Variants in TYR observed in about 807,000 individuals in gnomAD.
TYR encodes the protein LB24-AB.
TYR carries 58 observed loss-of-function variants against 51.5 expected under a neutral mutation model. The ratio of observed to expected loss-of-function variants is 1.13; its 90% CI spans 0.91 to 1.40. The LOEUF (loss-of-function observed/expected upper bound fraction) is 1.40. TYR is among the 40% of genes most tolerant of loss of function. The pLI is 0.00. For missense variants in TYR, 732 were observed against 647.4 expected (o/e 1.13, Z -1.42); for synonymous variants, 263 against 235.2 (o/e 1.12, Z -1.08).
intron 2 of TYR, among the ~76,000 whole-genome samples, chr11:89,193,066 C>T (rs1302035794): frequency 1.3e-5 from 2 of 152,036 alleles, no homozygotes; most frequent in Non-Finnish European, 2.9e-5. Flanking sequence ...AATCTCAGAG[C>T]CTATATAACA....
chr11:89,207,147 A>G (rs556015799), intron 2 of TYR, among the ~76,000 whole-genome samples: 1 of 152,230 alleles, frequency 6.6e-6, no homozygotes, highest in East Asian at 1.9e-4. Context: ...AGTGAAATTA[A>G]AAACAGGAAT....
At chr11:89,226,208 G>C (rs1178409905) in intron 2 of TYR, among the ~76,000 whole-genome samples, 1 of 151,954 alleles carries the variant, frequency 6.6e-6, no homozygotes, top group Non-Finnish European at 1.5e-5. Flanking sequence ...GTAAACCATT[G>C]TATTTAGGAG....
chr11:89,179,195 G>T (rs553480756), intron 1 of TYR, among the ~76,000 whole-genome samples: 2 of 152,228 alleles, frequency 1.3e-5, no homozygotes, highest in African/African-American at 2.4e-5. Context: ...GGATTCATAT[G>T]GTGTACAAAT....
chr11:89,293,372 A>G (rs1271225240), intron 4 of TYR, among the ~76,000 whole-genome samples: 2 of 142,376 alleles, frequency 1.4e-5, no homozygotes, highest in African/African-American at 5.0e-5. Context: ...CACACACACA[A>G]CCCAGAATGG....
chr11:89,276,682 CTG>C (rs1354627328), intron 3 of TYR, among the ~76,000 whole-genome samples: 1 of 151,726 alleles, frequency 6.6e-6, no homozygotes, highest in African/African-American at 2.4e-5. Context: ...ATGCAGGTGT[CTG>C]TTGGATAAAC....
intron 2 of TYR, among the ~76,000 whole-genome samples, chr11:89,220,012 G>A (rs1294752244): frequency 6.6e-6 from 1 of 152,138 alleles, no homozygotes; most frequent in African/African-American, 2.4e-5. Flanking sequence ...TCAACTGAAA[G>A]AATGTAACAG....
At chr11:89,275,107 T>C (rs1193001701) in intron 3 of TYR, among the ~76,000 whole-genome samples, 1 of 151,822 alleles carries the variant, frequency 6.6e-6, no homozygotes, top group Non-Finnish European at 1.5e-5. Context: ...AAAAAAGGGT[T>C]TAAATTCTAC....
intron 3 of TYR, among the ~76,000 whole-genome samples, chr11:89,243,400 C>T (rs1233401916): frequency 6.6e-6 from 1 of 152,108 alleles, no homozygotes; most frequent in African/African-American, 2.4e-5. Context: ...AGAGGTAGTT[C>T]AAGCATCACC....
intron 3 of TYR, among the ~76,000 whole-genome samples, chr11:89,244,629 C>T (rs1484862398): frequency 6.6e-6 from 1 of 152,118 alleles, no homozygotes; most frequent in Non-Finnish European, 1.5e-5. Flanking sequence ...AAGGTTGGTG[C>T]TAGATGGTGC....
chr11:89,262,847 C>CAA (rs771958187), intron 3 of TYR, among the ~76,000 whole-genome samples: 624 of 19,212 alleles, frequency 0.032, 32 homozygotes, highest in African/African-American at 0.051. Context: ...GCTACTCATC[C>CAA]AAAAAAAAAA....
At chr11:89,202,098 ATG>A (rs66603084) in intron 2 of TYR, among the ~76,000 whole-genome samples, 151,579 of 151,906 alleles carry the variant, frequency 1, 75,629 homozygotes, top group Middle Eastern at 1. Flanking sequence ...TTATATATAT[ATG>A]TGTGTGTGTG....
At chr11:89,245,653 T>C (rs1209048057) in intron 3 of TYR, among the ~76,000 whole-genome samples, 3 of 152,268 alleles carry the variant, frequency 2.0e-5, no homozygotes, top group Admixed American at 6.5e-5. Context: ...CTGGGCGTGG[T>C]GGCTCACGCC....
In TYR at chr11:89,255,955, A is replaced by AAAATAAGTC. The variant is rs527779788; in HGVS notation, c.1184+27987_1184+27995dup. Among the ~76,000 whole-genome samples, 37 of 151,764 alleles carry AAAATAAGTC rather than the reference A, an allele frequency of 2.4e-4. No homozygotes were observed. In the South Asian group the frequency reaches 7.7e-3, roughly 31 times the overall value. ...ACTTGCTGGTCTAGTATCTTCTGAC[A>AAAATAAGTC]AAATAAGTCACATATTTTAATTAAA... On this transcript the variant is annotated intron_variant, in intron 3 of 4. Coordinates refer to ENST00000263321, the MANE Select transcript of TYR (RefSeq NM_000372.5).
chr11:89,183,404 C>T (rs1943327009), intron 1 of TYR, among the ~76,000 whole-genome samples: 1 of 151,944 alleles, frequency 6.6e-6, no homozygotes, highest in African/African-American at 2.4e-5. Context: ...AAATCTTTGA[C>T]CTTTGTTTTT....
intron 2 of TYR, among the ~76,000 whole-genome samples, chr11:89,195,133 C>A (rs1943498824): frequency 6.6e-6 from 1 of 152,170 alleles, no homozygotes; most frequent in Non-Finnish European, 1.5e-5. Flanking sequence ...AAATTATACT[C>A]TGCTCTCTCA....
intron 3 of TYR, among the ~76,000 whole-genome samples, chr11:89,245,108 T>C (rs1944247513): frequency 6.6e-6 from 1 of 152,200 alleles, no homozygotes; most frequent in Admixed American, 6.5e-5. Flanking sequence ...TGACTGGTGG[T>C]TCTGTGAAGA....
At chr11:89,286,348 G>T (rs928802541) in intron 4 of TYR, among the ~76,000 whole-genome samples, 2 of 151,832 alleles carry the variant, frequency 1.3e-5, no homozygotes, top group Non-Finnish European at 2.9e-5. Flanking sequence ...AAAAGGACAC[G>T]AAGAAAATAA....
intron 3 of TYR, among the ~76,000 whole-genome samples, chr11:89,266,966 T>C (rs1353529665): frequency 6.6e-6 from 1 of 151,948 alleles, no homozygotes; most frequent in Non-Finnish European, 1.5e-5. Flanking sequence ...AGGAATGATA[T>C]CCTTTTGTCT....
chr11:89,282,214 T>C (rs1944728274), intron 3 of TYR, among the ~76,000 whole-genome samples: 1 of 151,848 alleles, frequency 6.6e-6, no homozygotes, highest in Non-Finnish European at 1.5e-5. Context: ...TAAATTGAAC[T>C]ATAGAAGTAA....
Sources: allele counts gnomAD v4.1 joint callset (sites outside exome capture counted in the v4.1 genomes callset), GRCh38; gene constraint gnomAD v4.1.1; transcripts MANE v1.5; gene names NCBI Gene and HGNC (gene_info 2026-07-23, HGNC 2026-07-21).